The following CNTNAP2 variants were observed in gnomAD, a reference collection of about 807,000 sequenced individuals.
CNTNAP2 encodes the protein contactin-associated protein-like 2.
Under a neutral mutation model 155.2 loss-of-function variants are expected in CNTNAP2, and 98 were observed. The observed-to-expected ratio is 0.63, with a 90% CI of 0.54 to 0.75. The LOEUF is 0.75. Among genes scored for constraint, CNTNAP2 ranks in the 30% least tolerant of loss-of-function variants. The probability of loss-of-function intolerance (pLI) is 0.00; values close to 1 mark genes in which losing one functional copy is unlikely to be tolerated. For missense variants in CNTNAP2, 1,727 were observed against 1,688.1 expected (o/e 1.02, Z -0.40); for synonymous variants, 651 against 631.2 (o/e 1.03, Z -0.47).
At chr7:147,400,681 G>A (rs1384029097) in intron 10 of CNTNAP2, among the ~76,000 whole-genome samples, 1 of 152,130 alleles carries the variant, frequency 6.6e-6, no homozygotes, top group Non-Finnish European at 1.5e-5. Flanking sequence ...TAAGAGCTAA[G>A]CAGAAGTTAG....
chr7:146,930,448 TGGAAA>T (rs1368329862), intron 3 of CNTNAP2, among the ~76,000 whole-genome samples: 1 of 152,002 alleles, frequency 6.6e-6, no homozygotes, highest in Non-Finnish European at 1.5e-5. Context: ...GCACTAAACA[TGGAAA>T]GGAACAACTG....
intron 1 of CNTNAP2, among the ~76,000 whole-genome samples, chr7:146,663,316 AG>A (rs1263519985): frequency 2.7e-5 from 4 of 149,008 alleles, no homozygotes; most frequent in African/African-American, 1.0e-4. Context: ...AGAAAAAGAA[AG>A]GAAAAAAAAA....
At chr7:148,166,390 G>T (rs557587750) in intron 17 of CNTNAP2, among the ~76,000 whole-genome samples, 30 of 152,204 alleles carry the variant, frequency 2.0e-4, no homozygotes, top group African/African-American at 7.2e-4. Context: ...GGGCTTTAGT[G>T]TGATTCCTTC....
At chr7:146,212,106 C>T (rs1799043231) in intron 1 of CNTNAP2, among the ~76,000 whole-genome samples, 1 of 152,018 alleles carries the variant, frequency 6.6e-6, no homozygotes, top group African/African-American at 2.4e-5. Context: ...TTTGAAAATC[C>T]AGGATATATA....
intron 13 of CNTNAP2, among the ~76,000 whole-genome samples, chr7:147,891,965 A>G (rs1380138864): frequency 3.3e-5 from 5 of 152,216 alleles, no homozygotes; most frequent in Admixed American, 3.3e-4. Flanking sequence ...ATGATTTATC[A>G]CAACAAAGTC....
rs557201299 is a variant in CNTNAP2 at position 147,808,724 on chromosome 7, T to A, written c.2099-94841T>A. 3.3e-5 allele frequency among the ~76,000 whole-genome samples: 5 copies of A among 152,314 alleles called. No individual in the cohort carries two copies. The South Asian group carries it at 1.0e-3, about 32-fold the overall frequency. On this transcript the variant is annotated intron_variant, in intron 13 of 23. Coordinates refer to ENST00000361727, the MANE Select transcript of CNTNAP2 (RefSeq NM_014141.6). ...TATTCTAATGTGAAATTCCTTCTCATCCTTTAAAACCCAGTTAAATCTGAC... is the reference window on the plus strand; with the variant it reads ...TATTCTAATGTGAAATTCCTTCTCAACCTTTAAAACCCAGTTAAATCTGAC...
intron 12 of CNTNAP2, among the ~76,000 whole-genome samples, chr7:147,620,884 G>C: frequency 6.6e-6 from 1 of 151,884 alleles, no homozygotes; most frequent in East Asian, 1.9e-4. Context: ...GTACAAGAAG[G>C]TTATAAAACA....
At chr7:148,365,905 C>CATGTATGTGT in intron 21 of CNTNAP2, among the ~76,000 whole-genome samples, 1 of 5,294 alleles carries the variant, frequency 1.9e-4, no homozygotes, top group African/African-American at 3.3e-4. Flanking sequence ...TGCATGTATA[C>CATGTATGTGT]ATGCGTGTAT....
At chr7:148,247,564 T>C (rs540064134) in intron 20 of CNTNAP2, among the ~76,000 whole-genome samples, 6 of 152,088 alleles carry the variant, frequency 3.9e-5, no homozygotes, top group Middle Eastern at 3.4e-3. Context: ...AATAGTTATC[T>C]ATGCTTGCTG....
chr7:147,095,186 ATTTTTT>A (rs36113270), intron 4 of CNTNAP2, among the ~76,000 whole-genome samples: 9 of 114,520 alleles, frequency 7.9e-5, no homozygotes, highest in African/African-American at 2.2e-4. Flanking sequence ...CGCCTGGCTA[ATTTTTT>A]TTTTTTTTTT....
intron 13 of CNTNAP2, among the ~76,000 whole-genome samples, chr7:147,813,691 A>G (rs752683604): frequency 1.2e-4 from 18 of 152,322 alleles, no homozygotes; most frequent in Non-Finnish European, 1.9e-4. Context: ...CAGTCCTGTG[A>G]TATTACTCAC....
At chr7:148,313,390 T>C (rs1042596216) in intron 21 of CNTNAP2, among the ~76,000 whole-genome samples, 3 of 151,286 alleles carry the variant, frequency 2.0e-5, no homozygotes, top group Non-Finnish European at 4.4e-5. Context: ...GCTCTGGGAG[T>C]GGCTGCCAGG....
chr7:146,423,371 G>T (rs1299641372), intron 1 of CNTNAP2, among the ~76,000 whole-genome samples: 1 of 151,958 alleles, frequency 6.6e-6, no homozygotes, highest in African/African-American at 2.4e-5. Context: ...TTCCCCTCAA[G>T]AATTTTATGA....
intron 20 of CNTNAP2, among the ~76,000 whole-genome samples, chr7:148,231,332 G>A (rs1223363184): frequency 6.6e-6 from 1 of 152,194 alleles, no homozygotes; most frequent in African/African-American, 2.4e-5. Flanking sequence ...GAATGGGTTT[G>A]GGGGAGGGTC....
chr7:147,637,147 G>A (rs181229132), intron 12 of CNTNAP2, among the ~76,000 whole-genome samples: 36 of 152,142 alleles, frequency 2.4e-4, no homozygotes, highest in Non-Finnish European at 4.7e-4. Context: ...AACAAGACCC[G>A]CTGCCATTGA....
chr7:146,211,996 G>A (rs550228728), intron 1 of CNTNAP2, among the ~76,000 whole-genome samples: 64 of 151,996 alleles, frequency 4.2e-4, no homozygotes, highest in Middle Eastern at 6.8e-3. Context: ...AAATCTTATC[G>A]GATTCATATA....
chr7:148,057,777 GA>G (rs990693668), intron 15 of CNTNAP2, among the ~76,000 whole-genome samples: 2 of 152,072 alleles, frequency 1.3e-5, no homozygotes, highest in African/African-American at 4.8e-5. Flanking sequence ...ATGGGATTTA[GA>G]GTTAAACTAA....
rs556572885 is a variant in CNTNAP2, at chr7:148,044,277, G to A, written c.2383+66288G>A. Among the ~76,000 whole-genome samples the A allele has an allele frequency of 2.0e-5, 3 of 151,598 alleles. No homozygotes were observed. In the South Asian group the frequency reaches 6.3e-4, roughly 32 times the overall value. ...TAGCTCCGACCCAAGGGGGTTCCCG[G>A]GACGTGGTTGTGGATGTTCAGTGTG... On this transcript the variant is annotated intron_variant, in intron 15 of 23. Transcript: ENST00000361727.
intron 15 of CNTNAP2, among the ~76,000 whole-genome samples, chr7:148,071,936 A>G (rs937459436): frequency 6.6e-6 from 1 of 152,210 alleles, no homozygotes; most frequent in Admixed American, 6.5e-5. Context: ...AAAAATTTCC[A>G]AGAGACAGGA....
Sources: gnomAD v4.1 joint callset for allele counts (sites outside exome capture counted in the v4.1 genomes callset) on GRCh38, gnomAD v4.1.1 for gene constraint, MANE v1.5 for transcripts, NCBI Gene and HGNC (gene_info 2026-07-23, HGNC 2026-07-21) for gene names.